Variants in TEX51 observed in about 807,000 individuals in gnomAD.
The protein encoded by TEX51 is testis-expressed protein 51.
Under a neutral mutation model 8.0 loss-of-function variants are expected in TEX51, and 14 were observed. That is an observed-to-expected ratio of 1.76 (90% CI 1.16 to 2.75). The LOEUF is 2.75. TEX51 is among the 30% of genes most tolerant of loss of function. TEX51 has a pLI of 0.00. For missense variants in TEX51, 142 were observed against 77.4 expected, an observed-to-expected ratio of 1.83 and a Z score of -3.13; for synonymous variants, 58 against 28.6, an observed-to-expected ratio of 2.03 and a Z score of -3.29.
chr2:126,901,324 C>T, intron 5 of TEX51, 41 bp from the exon 6 acceptor site: 1 of 701,990 alleles, frequency 1.4e-6, no homozygotes, highest in Non-Finnish European at 2.6e-6. Flanking sequence ...AGGGAAGACA[C>T]ACCTATTCCC....
At chr2:126,900,690 C>G (rs6738268) in intron 4 of TEX51, among the ~76,000 whole-genome samples, 108 of 152,276 alleles carry the variant, frequency 7.1e-4, no homozygotes, top group African/African-American at 2.5e-3. Context: ...GGCCACATCA[C>G]ACTCTGAACT....
At chr2:126,901,612 A>G (rs1259039373) in intron 6 of TEX51, 3 of 599,262 alleles carry the variant, frequency 5.0e-6, no homozygotes, top group African/African-American at 1.9e-5. Flanking sequence ...GGCCCAGGAC[A>G]CAGAAATGGC....
intron 4 of TEX51, among the ~76,000 whole-genome samples, chr2:126,900,847 C>T (rs1280702007): frequency 1.3e-5 from 2 of 152,230 alleles, no homozygotes; most frequent in Admixed American, 1.3e-4. Flanking sequence ...ATACCTCTAT[C>T]CTTGAGCGTG....
chr2:126,900,393 CAA>C (rs60057130), intron 4 of TEX51, among the ~76,000 whole-genome samples: 16 of 89,334 alleles, frequency 1.8e-4, no homozygotes, highest in Admixed American at 2.5e-4. Flanking sequence ...GACTCTGTTT[CAA>C]AAAAAAAAAA....
rs1680223886 is a variant in TEX51, at chr2:126,899,746, G to A, written c.310+134G>A. On this transcript the variant is annotated intron_variant, in intron 3 of 6. Transcript: ENST00000568484. ...ACCCCTCTCCATGAATGCCTTCCCG[G>A]CTCCATCTCCTACTTGCACCCCAGA... 9.1e-5 allele frequency: 64 copies of A among 700,500 alleles called. 1 individual carries two copies. The South Asian group carries it at 9.5e-4, about 10-fold the overall frequency. 43.4% of individuals were successfully genotyped at this position (700,500 alleles called of 1,614,324 possible).
Position 126,900,001 on chromosome 2 carries a change from G to A in TEX51, c.376G>A (p.Asp126Asn), listed in dbSNP as rs1418402240. 5 of 700,922 alleles carry A rather than the reference G, an allele frequency of 7.1e-6. No homozygotes were observed. The highest frequency in any genetic ancestry group is 5.9e-5 in the South Asian group (4 of 67,498). 43.4% of individuals were successfully genotyped at this position (700,922 alleles called of 1,614,324 possible). A position where few individuals can be genotyped will look rare whatever the true frequency, so the allele number is the denominator to read the frequency against. The change falls in exon 4 of 7, where the codon GAC becomes AAC. Residue 126 changes from aspartate (D) to asparagine (N), a missense_variant. Coordinates refer to ENST00000568484, the MANE Select transcript of TEX51 (RefSeq NM_001322244.2). The stretch of plus-strand genomic sequence containing the variant: ...CAGGACTCACTTCCTCTCCTGCAAT[G>A]ACCCCACTTTCTGCCCAGGTCAGTG... The part of the protein sequence containing the change: ...DCRTHFLSCN[D>N]PTFCPARNRR...
At chr2:126,900,494 G>A (rs975430764) in intron 4 of TEX51, among the ~76,000 whole-genome samples, 42 of 151,736 alleles carry the variant, frequency 2.8e-4, no homozygotes, top group African/African-American at 9.9e-4. Context: ...CTCAACAAAT[G>A]GCCCCACTCA....
intron 4 of TEX51, among the ~76,000 whole-genome samples, chr2:126,900,411 A>G (rs1314738197): frequency 4.0e-5 from 6 of 151,756 alleles, no homozygotes; most frequent in Non-Finnish European, 5.9e-5. Flanking sequence ...AAAAAAAGAA[A>G]GAAAAAAGAA....
rs75194855 is a variant in TEX51, at chr2:126,899,280, C to G, written c.209C>G (p.Thr70Arg). The G allele has an allele frequency of 5.1e-4, 361 of 702,098 alleles. 2 individuals carry two copies. The East Asian group carries it at 9.2e-3, about 18-fold the overall frequency. 43.5% of individuals were successfully genotyped at this position (702,098 alleles called of 1,614,324 possible). Residue 70 changes from threonine to arginine, a missense_variant, in exon 2 of 7, where the codon ACG becomes AGG. Transcript: ENST00000568484. ...FFTQVHQAIKTLRDDKTVLLE... is the reference protein window; with the variant it reads ...FFTQVHQAIKRLRDDKTVLLE... Reference sequence around the variant, plus strand: ...ACTCAAGTACACCAAGCCATTAAAACGTTACGAGATGGTGAGGAAGCCAAG... The same window carrying G: ...ACTCAAGTACACCAAGCCATTAAAAGGTTACGAGATGGTGAGGAAGCCAAG...
In TEX51 at chr2:126,898,984, G is replaced by A. The variant is rs1407966012; in HGVS notation, c.66G>A (p.Trp22Ter). The change falls in exon 1 of 7, where the codon TGG (tryptophan) becomes TGA (stop). Residue 22 changes from tryptophan to a stop codon, truncating the protein, a stop_gained. Transcript: ENST00000568484. LOFTEE classifies it high-confidence loss of function. ...AAGGGAAGAACTGCCTCCGCTGCTG[G>A]CCAGAACTGTCTGCCTTGATAGACT... ...AIEGKNCLRCWPELSALIDYD... is the reference protein window; with the variant it reads ...AIEGKNCLRC The A allele has an allele frequency of 1.4e-5, 10 of 701,862 alleles. No individual in the cohort carries two copies. Among genetic ancestry groups the A allele is most frequent in the Non-Finnish European group, 2.3e-5 (9 of 384,834 alleles). The allele number at this position is 701,862 out of a possible 1,614,324, so 43.5% of individuals were successfully genotyped here.
At chr2:126,900,966 C>G (rs527755182) in intron 4 of TEX51, among the ~76,000 whole-genome samples, 1 of 152,342 alleles carries the variant, frequency 6.6e-6, no homozygotes, top group South Asian at 2.1e-4. Flanking sequence ...AGCTCCCACC[C>G]CAGAGGCTTG....
chr2:126,901,520 C>A, intron 6 of TEX51, 116 bp downstream of exon 6: 1 of 664,076 alleles, frequency 1.5e-6, no homozygotes, highest in Non-Finnish European at 2.7e-6. Context: ...GTCTGGCGTG[C>A]AGAACAGAGT....
At chr2:126,900,340 G>A (rs1185092397) in intron 4 of TEX51, among the ~76,000 whole-genome samples, 2 of 150,424 alleles carry the variant, frequency 1.3e-5, no homozygotes, top group Non-Finnish European at 2.9e-5. Flanking sequence ...GTTGCAGTGA[G>A]CCGAGATCAT....
At chr2:126,899,655 C>A in intron 3 of TEX51, 43 bp downstream of exon 3, 1 of 695,354 alleles carries the variant, frequency 1.4e-6, no homozygotes, top group Non-Finnish European at 2.6e-6. Context: ...CAGCCCTCCA[C>A]ACCTGCCAAG....
In TEX51 at chr2:126,899,745, G is replaced by T. The variant is rs537903484; in HGVS notation, c.310+133G>T. On this transcript the variant is annotated intron_variant, in intron 3 of 6. Transcript: ENST00000568484. Reference sequence around the variant, plus strand: ...CACCCCTCTCCATGAATGCCTTCCCGGCTCCATCTCCTACTTGCACCCCAG... The same window carrying T: ...CACCCCTCTCCATGAATGCCTTCCCTGCTCCATCTCCTACTTGCACCCCAG... 59 of 700,428 alleles carry T rather than the reference G, an allele frequency of 8.4e-5. No homozygotes were observed. The African/African-American group carries it at 8.9e-4, about 11-fold the overall frequency. 43.4% of individuals were successfully genotyped at this position (700,428 alleles called of 1,614,324 possible).
At chr2:126,899,714 G>A (rs569537144) in intron 3 of TEX51, 102 bp downstream of exon 3, 16 of 696,374 alleles carry the variant, frequency 2.3e-5, no homozygotes, top group African/African-American at 8.7e-5. Flanking sequence ...TCATCCCCAG[G>A]AGCCCCACCC....
At chr2:126,901,825 T>G in intron 6 of TEX51, 47 bp from the exon 7 acceptor site, 1 of 577,368 alleles carries the variant, frequency 1.7e-6, no homozygotes, top group South Asian at 2.1e-5. Context: ...GAGGCCAGAG[T>G]AGTGGGAGGT....
intron 2 of TEX51, 115 bp downstream of exon 2, chr2:126,899,406 A>T: frequency 1.5e-6 from 1 of 685,474 alleles, no homozygotes; most frequent in Admixed American, 2.0e-5. Flanking sequence ...AAGGTGGGAG[A>T]TGAATGCAGT....
intron 1 of TEX51, 54 bp from the exon 2 acceptor site, chr2:126,899,163 C>T (rs759921435): frequency 2.8e-6 from 2 of 702,236 alleles, no homozygotes; most frequent in Admixed American, 2.0e-5. Flanking sequence ...GCCTCTTTAC[C>T]TGACCTGGGA....
Sources: allele counts gnomAD v4.1 joint callset (sites outside exome capture counted in the v4.1 genomes callset), GRCh38; gene constraint gnomAD v4.1.1; transcripts MANE v1.5; gene names NCBI Gene and HGNC (gene_info 2026-07-23, HGNC 2026-07-21).